WDR7: variants seen among roughly 807,000 people sequenced by gnomAD.
WDR7 encodes the protein WD repeat domain 7, also known as WD repeat-containing protein 7.
In WDR7, 46 loss-of-function variants were observed where a neutral mutation model predicts 169.4. The observed-to-expected ratio is 0.27, with a 90% CI of 0.21 to 0.35. WDR7 has a LOEUF of 0.35. WDR7 is among the 10% of genes least tolerant of loss of function. The pLI is 1.00. For missense variants in WDR7, 1,534 were observed against 1,859.3 expected (o/e 0.83, Z 3.22); for synonymous variants, 612 against 666.8 (o/e 0.92, Z 1.27).
intron 19 of WDR7, among the ~76,000 whole-genome samples, chr18:56,801,611 A>C (rs1041584694): frequency 6.6e-6 from 1 of 151,520 alleles, no homozygotes; most frequent in Non-Finnish European, 1.5e-5. Flanking sequence ...TTTGTAATCA[A>C]CTCCTCTCCT....
At chr18:56,653,394 A>G (rs563107690) in intron 1 of WDR7, among the ~76,000 whole-genome samples, 5 of 152,198 alleles carry the variant, frequency 3.3e-5, no homozygotes, top group Admixed American at 2.0e-4. Context: ...TTTAGTACAC[A>G]TGGGGTTTCA....
intron 14 of WDR7, among the ~76,000 whole-genome samples, chr18:56,747,053 A>T (rs1323801652): frequency 3.3e-5 from 5 of 152,202 alleles, no homozygotes; most frequent in African/African-American, 1.2e-4. Flanking sequence ...GTGTTCATTG[A>T]ATCACTAAAT....
In WDR7 at chr18:56,872,048, T is replaced by G. The variant is rs555126020; in HGVS notation, c.3305-7896T>G. On this transcript the variant is annotated intron_variant, in intron 20 of 27. Coordinates refer to ENST00000254442, the MANE Select transcript of WDR7 (RefSeq NM_015285.3). Reference sequence around the variant, plus strand: ...ATTGGTGGTATCTACTTATCTAAGGTTTTAATACCTAATGCAATAATAAAG... The same window carrying G: ...ATTGGTGGTATCTACTTATCTAAGGGTTTAATACCTAATGCAATAATAAAG... Among the ~76,000 whole-genome samples the G allele has an allele frequency of 6.6e-5, 10 of 152,042 alleles. No homozygotes were observed. The East Asian group carries it at 1.4e-3, about 21-fold the overall frequency.
chr18:56,990,021 A>G (rs1483319291), intron 26 of WDR7, among the ~76,000 whole-genome samples: 1 of 152,254 alleles, frequency 6.6e-6, no homozygotes, highest in Non-Finnish European at 1.5e-5. Context: ...TTCTTAAAGC[A>G]TAAGCTGACT....
chr18:57,018,034 A>G (rs1033506011), intron 26 of WDR7, among the ~76,000 whole-genome samples: 8 of 152,206 alleles, frequency 5.3e-5, no homozygotes, highest in African/African-American at 1.7e-4. Context: ...CCTCAAAGAA[A>G]GGGTTGTGAA....
rs148781694 is a variant in WDR7, at chr18:56,875,144, T to C, written c.3305-4800T>C. Among the ~76,000 whole-genome samples, 11 of 152,342 alleles carry C rather than the reference T, an allele frequency of 7.2e-5. No individual in the cohort carries two copies. The East Asian group carries it at 1.7e-3, about 24-fold the overall frequency. ...CCAGAAGTTTTTTAAAGTCAGCTTCTGGAAAGGCTGTATCTACTTTTGTTA... is the reference window on the plus strand; with the variant it reads ...CCAGAAGTTTTTTAAAGTCAGCTTCCGGAAAGGCTGTATCTACTTTTGTTA... On this transcript the variant is annotated intron_variant, in intron 20 of 27. Transcript: ENST00000254442.
rs182679695 is a variant in WDR7, at chr18:56,767,932, G to A, written c.2849-8850G>A. Among the ~76,000 whole-genome samples, 154 of 152,214 alleles carry A rather than the reference G, an allele frequency of 1.0e-3. 1 individual carries two copies. The highest frequency in any genetic ancestry group is 2.0e-3 in the African/African-American group (85 of 41,552). On this transcript the variant is annotated intron_variant, in intron 16 of 27. Coordinates refer to ENST00000254442, the MANE Select transcript of WDR7 (RefSeq NM_015285.3). ...CAATATTTTCCAGGATATACTCAAC[G>A]AATCAATGGTGGGACGATTCAATAT...
chr18:56,887,902 A>C (rs947450838), intron 21 of WDR7, among the ~76,000 whole-genome samples: 1 of 152,160 alleles, frequency 6.6e-6, no homozygotes, highest in Non-Finnish European at 1.5e-5. Context: ...AACCTGCTGG[A>C]AGCTGTTACA....
intron 21 of WDR7, among the ~76,000 whole-genome samples, chr18:56,885,079 T>G (rs571870562): frequency 6.6e-5 from 10 of 152,034 alleles, no homozygotes; most frequent in African/African-American, 2.4e-4. Flanking sequence ...ACATCCACAG[T>G]GGAAGGGGGA....
At chr18:56,728,635 A>G (rs985360722) in intron 13 of WDR7, among the ~76,000 whole-genome samples, 17 of 152,020 alleles carry the variant, frequency 1.1e-4, no homozygotes, top group Non-Finnish European at 4.4e-5. Flanking sequence ...GCCCCATCCC[A>G]TCCCCACTCA....
chr18:56,767,421 T>G (rs2044084705), intron 16 of WDR7, among the ~76,000 whole-genome samples: 1 of 152,184 alleles, frequency 6.6e-6, no homozygotes. Flanking sequence ...CTGCTCACTT[T>G]GTTCTCCATG....
intron 27 of WDR7, 69 bp from the exon 28 acceptor site, chr18:57,026,935 A>AC: frequency 6.6e-7 from 1 of 1,508,732 alleles, no homozygotes; most frequent in South Asian, 1.2e-5. Context: ...GGAGAGATCG[A>AC]CCCAGTCTCT....
chr18:56,858,874 A>G (rs2045761080), intron 20 of WDR7, among the ~76,000 whole-genome samples: 1 of 152,214 alleles, frequency 6.6e-6, no homozygotes, highest in African/African-American at 2.4e-5. Context: ...GCCTTCTTGC[A>G]GGGGGAAGGG....
intron 25 of WDR7, among the ~76,000 whole-genome samples, chr18:56,945,723 G>A (rs1288288038): frequency 6.6e-6 from 1 of 152,132 alleles, no homozygotes; most frequent in East Asian, 1.9e-4. Flanking sequence ...CCACATGACA[G>A]CCACTACAGC....
intron 21 of WDR7, among the ~76,000 whole-genome samples, chr18:56,884,211 G>A (rs1298142635): frequency 1.3e-5 from 2 of 152,194 alleles, no homozygotes; most frequent in African/African-American, 4.8e-5. Flanking sequence ...GCAGGAGCAA[G>A]GTGGTGTCGC....
chr18:56,940,441 A>G (rs540743213), intron 25 of WDR7, among the ~76,000 whole-genome samples: 2 of 152,328 alleles, frequency 1.3e-5, no homozygotes, highest in East Asian at 3.9e-4. Context: ...TTAAAAACAT[A>G]AACACAAATT....
chr18:56,955,167 T>C (rs1247995235), intron 25 of WDR7, among the ~76,000 whole-genome samples: 1 of 152,198 alleles, frequency 6.6e-6, no homozygotes, highest in Non-Finnish European at 1.5e-5. Flanking sequence ...GGTCTCATTT[T>C]ATAGAATACA....
intron 25 of WDR7, among the ~76,000 whole-genome samples, chr18:56,952,856 A>G (rs2047202124): frequency 6.6e-6 from 1 of 152,208 alleles, no homozygotes; most frequent in Admixed American, 6.5e-5. Flanking sequence ...AAGGCTATCT[A>G]TTATATGATC....
At chr18:56,812,636 G>A (rs1167272580) in intron 19 of WDR7, among the ~76,000 whole-genome samples, 1 of 152,150 alleles carries the variant, frequency 6.6e-6, no homozygotes, top group Non-Finnish European at 1.5e-5. Context: ...TCAGTCCATG[G>A]CCAAAGCCCT....
Sources: gnomAD v4.1 joint callset for allele counts (sites outside exome capture counted in the v4.1 genomes callset) on GRCh38, gnomAD v4.1.1 for gene constraint, MANE v1.5 for transcripts, NCBI Gene and HGNC (gene_info 2026-07-23, HGNC 2026-07-21) for gene names.